PLPP4: variants seen among roughly 807,000 people sequenced by gnomAD.
PLPP4 encodes phospholipid phosphatase 4, also known as diacylglycerol pyrophosphate like 2.
A neutral mutation model predicts 32.2 loss-of-function variants in PLPP4; 20 were observed. That is an observed-to-expected ratio of 0.62 (90% CI 0.44 to 0.90). The LOEUF is 0.90. Among genes scored for constraint, PLPP4 ranks in the 40% least tolerant of loss-of-function variants. The pLI is 0.00. For synonymous variants in PLPP4, 127 were observed against 133.0 expected (o/e 0.95, Z 0.31); for missense variants, 257 against 353.1 (o/e 0.73, Z 2.18).
chr10:120,535,750 G>T (rs7069941), intron 5 of PLPP4, among the ~76,000 whole-genome samples: 5 of 151,988 alleles, frequency 3.3e-5, no homozygotes, highest in African/African-American at 9.7e-5. Flanking sequence ...GTGACTTCAT[G>T]TGGATGCAAA....
At chr10:120,527,808 T>C (rs1846475594) in intron 5 of PLPP4, among the ~76,000 whole-genome samples, 1 of 152,192 alleles carries the variant, frequency 6.6e-6, no homozygotes, top group Non-Finnish European at 1.5e-5. Context: ...TGAAGGAATC[T>C]AAGTAGGTTT....
chr10:120,456,972 T>G (rs9420299), upstream of PLPP4: 99,840 of 153,282 alleles, frequency 0.65, 32,989 homozygotes, highest in South Asian at 0.75. The surrounding 1 kb of genome is among the most constrained non-coding windows in gnomAD (Gnocchi z 4.1). Context: ...CCCTCCCCGG[T>G]CCGCGGGTGC....
intron 5 of PLPP4, among the ~76,000 whole-genome samples, chr10:120,550,318 C>T (rs1847831344): frequency 6.6e-6 from 1 of 151,836 alleles, no homozygotes; most frequent in Non-Finnish European, 1.5e-5. Context: ...GAAAGTATAC[C>T]ATATTCATGA....
chr10:120,553,865 C>A (rs770552163), intron 5 of PLPP4, among the ~76,000 whole-genome samples: 1 of 152,184 alleles, frequency 6.6e-6, no homozygotes, highest in Non-Finnish European at 1.5e-5. Context: ...AGAAACTATT[C>A]TTCTCTCCTA....
chr10:120,526,318 T>C (rs1846388732), intron 5 of PLPP4, among the ~76,000 whole-genome samples: 1 of 152,194 alleles, frequency 6.6e-6, no homozygotes, highest in Admixed American at 6.5e-5. Context: ...TGTATCTAGC[T>C]TTCCTTAAAT....
chr10:120,569,223 A>T (rs1239431435), intron 5 of PLPP4, among the ~76,000 whole-genome samples: 1 of 148,718 alleles, frequency 6.7e-6, no homozygotes, highest in Non-Finnish European at 1.5e-5. Flanking sequence ...TGGGGTAAAG[A>T]GTGAGACTCC....
At chr10:120,531,128 C>T (rs79415877) in intron 5 of PLPP4, among the ~76,000 whole-genome samples, 6,213 of 131,952 alleles carry the variant, frequency 0.047, 182 homozygotes, top group South Asian at 0.11. Context: ...CTTGCTTTGT[C>T]ACCAGGCTGA....
At chr10:120,547,831 A>G (rs942738069) in intron 5 of PLPP4, among the ~76,000 whole-genome samples, 5 of 152,170 alleles carry the variant, frequency 3.3e-5, no homozygotes, top group African/African-American at 1.2e-4. Context: ...GTTGAATCCA[A>G]AATAGCTTTT....
intron 1 of PLPP4, among the ~76,000 whole-genome samples, chr10:120,471,604 C>G (rs778457072): frequency 6.6e-6 from 1 of 151,940 alleles, no homozygotes; most frequent in Non-Finnish European, 1.5e-5. Context: ...TTTTTCCATC[C>G]TTTTACTTTC....
chr10:120,457,278 A>T lies in PLPP4; in HGVS notation c.-28A>T, dbSNP rs10886691. 1,068,045 of 1,469,586 alleles carry T rather than the reference A, an allele frequency of 0.73. 389,465 individuals carry two copies. The highest frequency in any genetic ancestry group is 0.77 in the South Asian group (57,682 of 74,462). The allele number at this position is 1,469,586 out of a possible 1,614,324, so 91.0% of individuals were successfully genotyped here. On this transcript the variant is annotated 5_prime_UTR_variant, in exon 1 of 7. Transcript: ENST00000398250. ...CGGGAGCCGCGGAGAGCACCAGCTGACGCCGCGGGAGCTGCTCCGGCCGCA... is the reference window on the plus strand; with the variant it reads ...CGGGAGCCGCGGAGAGCACCAGCTGTCGCCGCGGGAGCTGCTCCGGCCGCA...
At chr10:120,557,903 A>G (rs1424592647) in intron 5 of PLPP4, among the ~76,000 whole-genome samples, 2 of 152,218 alleles carry the variant, frequency 1.3e-5, no homozygotes, top group Non-Finnish European at 2.9e-5. Context: ...GCTCTGCACT[A>G]TATAATTTTC....
In PLPP4 at chr10:120,580,992, C is replaced by G. The variant is rs1308780179; in HGVS notation, c.616+5691C>G. The G allele has an allele frequency of 8.5e-6, 11 of 1,288,220 alleles. No homozygotes were observed. The South Asian group carries it at 1.2e-4, about 14-fold the overall frequency. The allele number at this position is 1,288,220 out of a possible 1,614,324, so 79.8% of individuals were successfully genotyped here. ...GAACCTCTGAACCTTGACTGCCCAT[C>G]TAAGTCCACCCGCCTCTGTGTTGGT... On this transcript the variant is annotated intron_variant, in intron 6 of 6. Transcript: ENST00000398250.
chr10:120,506,514 TA>T (rs1178358849), intron 2 of PLPP4, among the ~76,000 whole-genome samples: 1 of 152,172 alleles, frequency 6.6e-6, no homozygotes, highest in African/African-American at 2.4e-5. Flanking sequence ...ATTTACTACA[TA>T]AAAAAATTCT....
At chr10:120,463,857 C>T (rs1848190472) in intron 1 of PLPP4, among the ~76,000 whole-genome samples, 1 of 152,112 alleles carries the variant, frequency 6.6e-6, no homozygotes, top group South Asian at 2.1e-4. Context: ...CTCTGTCGCC[C>T]AGGCTGGAGT....
rs376390133 is a variant in PLPP4 at position 120,460,894 on chromosome 10, C to G, written c.56+3533C>G. ...GTTGAGTAAGTTGCCTGAAGTCACT[C>G]AGCTAGCAGGAGGTATAACCCTGAT... On this transcript the variant is annotated intron_variant, in intron 1 of 6. Coordinates refer to ENST00000398250, the MANE Select transcript of PLPP4 (RefSeq NM_001030059.3). Among the ~76,000 whole-genome samples, 48 of 152,338 alleles carry G rather than the reference C, an allele frequency of 3.2e-4. 1 individual carries two copies. Among genetic ancestry groups the G allele is most frequent in the African/African-American group, 1.1e-3 (47 of 41,574 alleles).
chr10:120,555,952 C>T (rs1848142734), intron 5 of PLPP4, among the ~76,000 whole-genome samples: 1 of 152,142 alleles, frequency 6.6e-6, no homozygotes. Context: ...TGCTCACTCC[C>T]TTTATCTCTT....
intron 5 of PLPP4, among the ~76,000 whole-genome samples, chr10:120,566,236 T>C (rs1195871972): frequency 1.3e-5 from 2 of 152,212 alleles, no homozygotes; most frequent in Non-Finnish European, 2.9e-5. Flanking sequence ...TCAGTTTTCT[T>C]ACTCTGGGCT....
chr10:120,581,677 T>G (rs1283723586), intron 6 of PLPP4, among the ~76,000 whole-genome samples: 1 of 152,124 alleles, frequency 6.6e-6, no homozygotes, highest in East Asian at 1.9e-4. Flanking sequence ...ACCTTGTGCC[T>G]GGAATGCTCT....
At chr10:120,517,554 G>A (rs574596436) in intron 3 of PLPP4, among the ~76,000 whole-genome samples, 10 of 152,260 alleles carry the variant, frequency 6.6e-5, no homozygotes, top group South Asian at 2.1e-4. Context: ...AGTGCTGTGC[G>A]GCTGATTCAC....
Sources: allele counts gnomAD v4.1 joint callset (sites outside exome capture counted in the v4.1 genomes callset), GRCh38; gene constraint gnomAD v4.1.1; non-coding constraint Gnocchi (gnomAD v3.1); transcripts MANE v1.5; gene names NCBI Gene and HGNC (gene_info 2026-07-23, HGNC 2026-07-21).